TXNRD3: variants seen among roughly 807,000 people sequenced by gnomAD.
TXNRD3 encodes the protein TXNRD3 neighbor gene protein.
TXNRD3 carries 68 observed loss-of-function variants against 78.2 expected under a neutral mutation model. The ratio of observed to expected loss-of-function variants is 0.87; its 90% CI spans 0.72 to 1.06. TXNRD3 has a LOEUF of 1.06. TXNRD3 is among the 50% of genes least tolerant of loss of function. The probability of loss-of-function intolerance (pLI) is 0.00; values close to 1 mark genes in which losing one functional copy is unlikely to be tolerated. For synonymous variants in TXNRD3, 296 were observed against 300.1 expected, an observed-to-expected ratio of 0.99 and a Z score of 0.14; for missense variants, 751 against 809.5, an observed-to-expected ratio of 0.93 and a Z score of 0.88.
At chr3:126,622,352 T>A (rs894913830) in intron 11 of TXNRD3, 112 bp downstream of exon 11, 3 of 729,878 alleles carry the variant, frequency 4.1e-6, no homozygotes, top group Non-Finnish European at 6.3e-6. Flanking sequence ...GGCACTGAAC[T>A]TATAAGATAA....
At chr3:126,610,910 T>C (rs1938184273) in intron 14 of TXNRD3, 127 bp downstream of exon 14, 1 of 521,518 alleles carries the variant, frequency 1.9e-6, no homozygotes, top group South Asian at 3.0e-5. Flanking sequence ...GGCCAGGAGT[T>C]GGAGACCAGC....
intron 2 of TXNRD3, 126 bp downstream of exon 2, chr3:126,647,110 T>C: frequency 1.5e-6 from 1 of 650,876 alleles, no homozygotes; most frequent in Admixed American, 3.3e-5. Context: ...CATGGCTGAA[T>C]GTAGACAAAA....
intron 6 of TXNRD3, among the ~76,000 whole-genome samples, chr3:126,635,321 C>G (rs1938830691): frequency 6.6e-6 from 1 of 152,086 alleles, no homozygotes; most frequent in African/African-American, 2.4e-5. Flanking sequence ...ATCATGTGGA[C>G]CTATACAAAT....
At chr3:126,629,664 A>G (rs929887651) in intron 9 of TXNRD3, among the ~76,000 whole-genome samples, 193 bp from the exon 10 acceptor site, 1 of 152,230 alleles carries the variant, frequency 6.6e-6, no homozygotes, top group African/African-American at 2.4e-5. Flanking sequence ...TTGGAGGTAG[A>G]AATGAATTAA....
intron 6 of TXNRD3, among the ~76,000 whole-genome samples, chr3:126,639,458 G>A (rs889990449): frequency 4.6e-5 from 7 of 152,010 alleles, no homozygotes; most frequent in African/African-American, 7.3e-5. Context: ...CCCAGCTCTC[G>A]CCCAGCTCTC....
intron 1 of TXNRD3, 138 bp downstream of exon 1, chr3:126,654,610 G>C: frequency 2.7e-6 from 1 of 367,922 alleles, no homozygotes; most frequent in Non-Finnish European, 4.3e-6. Context: ...CGACCGGGGA[G>C]AGGAGAGGAC....
At chr3:126,646,268 A>G (rs1323070272) in intron 2 of TXNRD3, 48 bp from the exon 3 acceptor site, 5 of 1,355,594 alleles carry the variant, frequency 3.7e-6, no homozygotes, top group Non-Finnish European at 4.8e-6. Flanking sequence ...AGAGTTTCAA[A>G]TCTTTGTGAG....
intron 1 of TXNRD3, among the ~76,000 whole-genome samples, chr3:126,653,327 A>G (rs1343961746): frequency 2.0e-5 from 3 of 152,262 alleles, no homozygotes; most frequent in Non-Finnish European, 2.9e-5. Flanking sequence ...CCAAAGAATA[A>G]GCATCCTAAA....
At chr3:126,614,694 T>A (rs1938272149) in intron 13 of TXNRD3, among the ~76,000 whole-genome samples, 1 of 152,204 alleles carries the variant, frequency 6.6e-6, no homozygotes, top group South Asian at 2.1e-4. Flanking sequence ...CTAGGGAATA[T>A]CAGTGCTGTG....
At chr3:126,643,382 CAG>C (rs1238140283) in intron 5 of TXNRD3, among the ~76,000 whole-genome samples, 1 of 152,200 alleles carries the variant, frequency 6.6e-6, no homozygotes, top group Admixed American at 6.5e-5. Context: ...CAGTAGACAG[CAG>C]AGTCACAGGG....
intron 10 of TXNRD3, among the ~76,000 whole-genome samples, chr3:126,623,509 G>C (rs903039954): frequency 6.6e-6 from 1 of 152,122 alleles, no homozygotes; most frequent in East Asian, 1.9e-4. Flanking sequence ...GTGATCAAGT[G>C]AGTTTGTCCC....
intron 15 of TXNRD3, among the ~76,000 whole-genome samples, chr3:126,608,267 G>A (rs563313337): frequency 6.1e-4 from 93 of 152,160 alleles, no homozygotes; most frequent in Non-Finnish European, 1.2e-3. Flanking sequence ...AGGCTGAGGC[G>A]GGAGAATCAC....
At chr3:126,653,556 G>A (rs961038570) in intron 1 of TXNRD3, among the ~76,000 whole-genome samples, 1 of 152,236 alleles carries the variant, frequency 6.6e-6, no homozygotes, top group Non-Finnish European at 1.5e-5. Flanking sequence ...AATATCAACT[G>A]TTAGCAAGGA....
chr3:126,625,488 T>A (rs1419624018), intron 10 of TXNRD3, among the ~76,000 whole-genome samples: 1 of 151,838 alleles, frequency 6.6e-6, no homozygotes, highest in Non-Finnish European at 1.5e-5. Flanking sequence ...CATGAACTCA[T>A]CATTTTTATG....
intron 10 of TXNRD3, among the ~76,000 whole-genome samples, chr3:126,627,639 G>GA (rs977846195): frequency 3.3e-5 from 5 of 151,850 alleles, no homozygotes; most frequent in Admixed American, 6.6e-5. Flanking sequence ...CTAATTCCTG[G>GA]AAAAAAATAT....
chr3:126,636,148 G>A (rs1938856879), intron 6 of TXNRD3, among the ~76,000 whole-genome samples: 1 of 151,996 alleles, frequency 6.6e-6, no homozygotes, highest in Non-Finnish European at 1.5e-5. Context: ...ATGTTGCCCA[G>A]GCTAGTCTCA....
chr3:126,652,907 G>A (rs1240678513), intron 1 of TXNRD3, among the ~76,000 whole-genome samples: 2 of 152,162 alleles, frequency 1.3e-5, no homozygotes, highest in Non-Finnish European at 2.9e-5. Flanking sequence ...TGCACCCTCC[G>A]CCCCTAACAA....
chr3:126,609,166 C>T (rs1938133206), intron 14 of TXNRD3: 2 of 445,240 alleles, frequency 4.5e-6, no homozygotes, highest in African/African-American at 2.0e-5. Flanking sequence ...GATGTGCAGT[C>T]GTTTTCCACG....
intron 1 of TXNRD3, among the ~76,000 whole-genome samples, chr3:126,648,836 C>A (rs1048895897): frequency 6.6e-6 from 1 of 152,168 alleles, no homozygotes; most frequent in Non-Finnish European, 1.5e-5. Context: ...AAAGAAACAA[C>A]AGACAAATAG....
Sources: gnomAD v4.1 joint callset for allele counts (sites outside exome capture counted in the v4.1 genomes callset) on GRCh38, gnomAD v4.1.1 for gene constraint, MANE v1.5 for transcripts, NCBI Gene and HGNC (gene_info 2026-07-23, HGNC 2026-07-21) for gene names.